Variants in TNFSF4 observed in about 807,000 individuals in gnomAD.
The protein encoded by TNFSF4 is tumor necrosis factor ligand superfamily member 4.
Under a neutral mutation model 7.3 loss-of-function variants are expected in TNFSF4, and 4 were observed. The ratio of observed to expected loss-of-function variants is 0.55; its 90% confidence interval spans 0.27 to 1.25. The LOEUF is 1.25. Among genes scored for constraint, TNFSF4 ranks in the 50% most tolerant of loss-of-function variants. The pLI, the probability that TNFSF4 is intolerant of heterozygous loss-of-function variation, is 0.12. For synonymous variants in TNFSF4, 76 were observed against 83.7 expected (o/e 0.91, Z 0.50); for missense variants, 181 against 208.8 (o/e 0.87, Z 0.82).
At chr1:173,283,336 G>A in the TNFSF4 span, among the ~76,000 whole-genome samples, 1 of 152,224 alleles carries the variant, frequency 6.6e-6, no homozygotes, top group Admixed American at 6.5e-5. Context: ...GAATCAATGG[G>A]CAACAAGCAA....
chr1:173,238,467 G>A, the TNFSF4 span, among the ~76,000 whole-genome samples: 3 of 151,960 alleles, frequency 2.0e-5, no homozygotes, highest in South Asian at 4.1e-4. Context: ...GAGTAAACAG[G>A]CAACCTACAG....
At chr1:173,333,129 G>T in the TNFSF4 span, among the ~76,000 whole-genome samples, 1 of 152,148 alleles carries the variant, frequency 6.6e-6, no homozygotes, top group Non-Finnish European at 1.5e-5. Context: ...ACAAAGGAAG[G>T]GTGGCTAGGA....
chr1:173,293,542 C>G, the TNFSF4 span, among the ~76,000 whole-genome samples: 39 of 152,158 alleles, frequency 2.6e-4, no homozygotes, highest in Non-Finnish European at 4.3e-4. Context: ...AAATACCATT[C>G]TGGACACTAG....
the TNFSF4 span, among the ~76,000 whole-genome samples, chr1:173,251,884 C>A: frequency 6.6e-6 from 1 of 152,114 alleles, no homozygotes; most frequent in Non-Finnish European, 1.5e-5. Context: ...TTTGTGCCTA[C>A]CCTATATGGC....
chr1:173,288,169 C>T, the TNFSF4 span, among the ~76,000 whole-genome samples: 1 of 152,138 alleles, frequency 6.6e-6, no homozygotes, highest in Non-Finnish European at 1.5e-5. Flanking sequence ...AATAGCCAAG[C>T]ACGGGGTGGC....
chr1:173,322,685 C>A, the TNFSF4 span, among the ~76,000 whole-genome samples: 1 of 152,130 alleles, frequency 6.6e-6, no homozygotes, highest in African/African-American at 2.4e-5. Flanking sequence ...GTCACTCCCA[C>A]CCTAATACTG....
At chr1:173,396,830 C>T in the TNFSF4 span, among the ~76,000 whole-genome samples, 1 of 152,218 alleles carries the variant, frequency 6.6e-6, no homozygotes, top group Non-Finnish European at 1.5e-5. Flanking sequence ...GAAGATAGAC[C>T]TTTCACTAAT....
the TNFSF4 span, among the ~76,000 whole-genome samples, chr1:173,340,018 C>T: frequency 6.6e-6 from 1 of 152,002 alleles, no homozygotes; most frequent in Non-Finnish European, 1.5e-5. Flanking sequence ...GGTTGCCCTC[C>T]CTTTACTATG....
At chr1:173,318,460 G>C in the TNFSF4 span, among the ~76,000 whole-genome samples, 2 of 152,028 alleles carry the variant, frequency 1.3e-5, no homozygotes, top group African/African-American at 4.8e-5. Flanking sequence ...TTCACTAATG[G>C]AGCAAAGCAA....
At chr1:173,305,273 T>C in the TNFSF4 span, among the ~76,000 whole-genome samples, 1 of 151,950 alleles carries the variant, frequency 6.6e-6, no homozygotes, top group Non-Finnish European at 1.5e-5. Context: ...ATAAGAACAC[T>C]CCAAGTTTTT....
the TNFSF4 span, among the ~76,000 whole-genome samples, chr1:173,304,747 T>C: frequency 1.3e-5 from 2 of 151,972 alleles, no homozygotes; most frequent in Admixed American, 1.3e-4. Context: ...GCATGGAACC[T>C]GGCTTCCCTC....
At chr1:173,217,284 G>A in the TNFSF4 span, among the ~76,000 whole-genome samples, 1 of 152,170 alleles carries the variant, frequency 6.6e-6, no homozygotes, top group Non-Finnish European at 1.5e-5. Context: ...GTGGGGTGAA[G>A]TTTTATTCAG....
At chr1:173,375,904 C>T in the TNFSF4 span, among the ~76,000 whole-genome samples, 1 of 152,030 alleles carries the variant, frequency 6.6e-6, no homozygotes, top group Non-Finnish European at 1.5e-5. Flanking sequence ...TAACACTCAC[C>T]GCAAAGGTCC....
At chr1:173,337,901 T>C in the TNFSF4 span, among the ~76,000 whole-genome samples, 1 of 152,152 alleles carries the variant, frequency 6.6e-6, no homozygotes, top group Non-Finnish European at 1.5e-5. Context: ...GCTCACCAAA[T>C]GATCTCAGAG....
upstream of TNFSF4, among the ~76,000 whole-genome samples, chr1:173,212,132 T>C (rs1418987289): frequency 6.6e-6 from 1 of 152,116 alleles, no homozygotes; most frequent in East Asian, 1.9e-4. Context: ...TGCCAGGCTC[T>C]CTTTAACAAC....
chr1:173,330,478 A>G, the TNFSF4 span, among the ~76,000 whole-genome samples: 1 of 152,158 alleles, frequency 6.6e-6, no homozygotes, highest in Non-Finnish European at 1.5e-5. Context: ...CAAAGAGGCT[A>G]CATAATTTGC....
chr1:173,408,993 T>TAAA, the TNFSF4 span, among the ~76,000 whole-genome samples: 1 of 152,188 alleles, frequency 6.6e-6, no homozygotes, highest in Non-Finnish European at 1.5e-5. Flanking sequence ...AGACACCTCT[T>TAAA]AATTAAGTGA....
At chr1:173,228,016 C>A in the TNFSF4 span, among the ~76,000 whole-genome samples, 1 of 152,202 alleles carries the variant, frequency 6.6e-6, no homozygotes, top group African/African-American at 2.4e-5. Context: ...GGGGGCGGGG[C>A]ATAGCCAAAC....
the TNFSF4 span, among the ~76,000 whole-genome samples, chr1:173,298,395 TTGTC>T: frequency 6.1e-4 from 92 of 152,054 alleles, no homozygotes; most frequent in Middle Eastern, 0.024. Context: ...GTCAGCTGAT[TTGTC>T]TGTCTATTTT....
Sources: gnomAD v4.1 joint callset for allele counts (sites outside exome capture counted in the v4.1 genomes callset) on GRCh38, gnomAD v4.1.1 for gene constraint, MANE v1.5 for transcripts, NCBI Gene and HGNC (gene_info 2026-07-23, HGNC 2026-07-21) for gene names.